ANK3: variants seen among roughly 807,000 people sequenced by gnomAD.
The protein encoded by ANK3 is ankyrin-3.
A neutral mutation model predicts 370.9 loss-of-function variants in ANK3; 57 were observed. That is an observed-to-expected ratio of 0.15 (90% CI 0.12 to 0.19). The LOEUF (loss-of-function observed/expected upper bound fraction) is 0.19. ANK3 is among the 10% of genes least tolerant of loss of function. The probability of loss-of-function intolerance (pLI) is 1.00; values close to 1 mark genes in which losing one functional copy is unlikely to be tolerated. For missense variants in ANK3, 4,439 were observed against 5,302.1 expected, an observed-to-expected ratio of 0.84 and a Z score of 5.06; for synonymous variants, 1,929 against 1,946.3, an observed-to-expected ratio of 0.99 and a Z score of 0.23.
chr10:60,405,394 G>T (rs533820733), intron 2 of ANK3, among the ~76,000 whole-genome samples: 1 of 152,174 alleles, frequency 6.6e-6, no homozygotes, highest in East Asian at 1.9e-4. Context: ...TTTCTCAAAT[G>T]AGTATATACT....
rs148516551 is a variant in ANK3 at position 60,405,944 on chromosome 10, G to A, written c.97-126305C>T. On this transcript the variant is annotated intron_variant, in intron 2 of 43. Transcript: ENST00000373827. ...GAGAAAAAGCAACCAATACTACATG[G>A]TAGACCCTTTTTCAGTTTACATATA... Among the ~76,000 whole-genome samples, 384 of 152,218 alleles carry A rather than the reference G, an allele frequency of 2.5e-3. 1 individual carries two copies. Among genetic ancestry groups the A allele is most frequent in the African/African-American group, 8.6e-3 (357 of 41,534 alleles).
At chr10:60,645,458 C>T (rs2078697735) in intron 1 of ANK3, among the ~76,000 whole-genome samples, 1 of 152,122 alleles carries the variant, frequency 6.6e-6, no homozygotes, top group African/African-American at 2.4e-5. Context: ...GGCGCAGTGG[C>T]TCACACCTGT....
Position 60,063,148 on chromosome 10 carries a change from A to G in ANK3, c.12558T>C (p.Phe4186=). The G allele has an allele frequency of 6.2e-7, 1 of 1,613,492 alleles. No homozygotes were observed. The change falls in exon 40 of 44, where the codon TTT becomes TTC. Residue 4186 remains phenylalanine (F), a synonymous_variant. Coordinates refer to ENST00000280772, the MANE Select transcript of ANK3 (RefSeq NM_020987.5). ...CATGGAAAACATTGTTCTCATCTGC[A>G]AAACTTCTGGTGCCTGAAATATTTC... ...DYGNISGTRS[F]ADENNVFHDP...
chr10:60,270,035 C>G, intron 5 of ANK3, 96 bp downstream of exon 5: 1 of 669,538 alleles, frequency 1.5e-6, no homozygotes, highest in South Asian at 3.4e-5. Context: ...TATAAAACTT[C>G]AATTGAAATA....
chr10:60,685,211 C>T (rs575437319), intron 1 of ANK3: 76 of 352,800 alleles, frequency 2.2e-4, no homozygotes, highest in African/African-American at 1.5e-3. Flanking sequence ...GTTCAATGAT[C>T]AGATGCCTAA....
intron 22 of ANK3, 23 bp from the exon 23 acceptor site, chr10:60,166,676 A>G (rs1239463893): frequency 3.1e-6 from 5 of 1,611,554 alleles, no homozygotes; most frequent in South Asian, 1.1e-5. Flanking sequence ...AGTGAACAAT[A>G]TAAGTGGATG....
Position 60,233,729 on chromosome 10 carries a change from G to T in ANK3, c.897+959C>A, listed in dbSNP as rs551497646. 2.6e-5 allele frequency among the ~76,000 whole-genome samples: 4 copies of T among 152,234 alleles called. No homozygotes were observed. In the East Asian group the frequency reaches 7.7e-4, roughly 29 times the overall value. On this transcript the variant is annotated intron_variant, in intron 8 of 43. Transcript: ENST00000280772. ...TGGGATTATAGTTGTAAGCCAGTGG[G>T]CCCAGCCTTTAAAAATTTTTAATTG... is the stretch of plus-strand genomic sequence containing the variant.
intron 11 of ANK3, among the ~76,000 whole-genome samples, chr10:60,204,206 G>T (rs906880776): frequency 6.6e-6 from 1 of 152,196 alleles, no homozygotes. Flanking sequence ...TTTTGTTATA[G>T]TCTTGGCACC....
At position 60,186,758 on chromosome 10, in the gene ANK3, G is replaced by A. The variant is rs767722242; in HGVS notation, c.2042C>T (p.Ser681Leu). The A allele has an allele frequency of 3.1e-6, 5 of 1,614,102 alleles. No homozygotes were observed. The highest frequency in any genetic ancestry group is 2.2e-5 in the South Asian group (2 of 91,074). The change falls in exon 17 of 44, where the codon TCG becomes TTG. Residue 681 changes from serine (S) to leucine (L), a missense_variant. Physicochemically the swap from Ser to Leu is moderately radical, Grantham distance 145. This residue lies in a region of ANK3 where 192 missense variants were observed against 192.1 expected (regional missense o/e 1.00). Transcript: ENST00000280772. ...ATTCGCATTTCTACCGAGGAGCAGC[G>A]ACACCATGTCCACGTGCCCTTCCTG... ...AAQEGHVDMV[S>L]LLLGRNANVN... is the part of the protein sequence containing the mutation.
intron 1 of ANK3, among the ~76,000 whole-genome samples, chr10:60,629,506 C>T (rs991152149): frequency 3.3e-5 from 5 of 152,026 alleles, no homozygotes; most frequent in African/African-American, 4.8e-5. Flanking sequence ...TACATAATGG[C>T]GGATTGTTGC....
At chr10:60,669,937 C>A (rs1054238914) in intron 1 of ANK3, among the ~76,000 whole-genome samples, 1 of 152,090 alleles carries the variant, frequency 6.6e-6, no homozygotes, top group Admixed American at 6.5e-5. Flanking sequence ...ATCCTCCCAC[C>A]CCAGCCTTTC....
At chr10:60,105,772 A>C in intron 28 of ANK3, 133 bp downstream of exon 28, 1 of 892,894 alleles carries the variant, frequency 1.1e-6, no homozygotes, top group East Asian at 2.8e-5. Context: ...GAAAACAGCA[A>C]CAAAAGCTGA....
intron 2 of ANK3, among the ~76,000 whole-genome samples, chr10:60,443,740 C>A (rs1178387859): frequency 6.6e-6 from 1 of 152,120 alleles, no homozygotes; most frequent in Non-Finnish European, 1.5e-5. Context: ...GGATGTCCTT[C>A]TTGGCTAAAT....
intron 6 of ANK3, among the ~76,000 whole-genome samples, chr10:60,262,701 C>T (rs1396889538): frequency 6.6e-6 from 1 of 152,160 alleles, no homozygotes. Flanking sequence ...GTCATATTGA[C>T]ACCATTCTGA....
intron 23 of ANK3, among the ~76,000 whole-genome samples, chr10:60,156,311 G>A (rs539794547): frequency 6.6e-5 from 10 of 152,350 alleles, no homozygotes; most frequent in African/African-American, 2.2e-4. Flanking sequence ...CTGATTCCAT[G>A]CCTTTGTTTC....
intron 2 of ANK3, among the ~76,000 whole-genome samples, chr10:60,612,736 C>T (rs956358632): frequency 3.3e-5 from 5 of 152,242 alleles, no homozygotes; most frequent in East Asian, 1.9e-4. Flanking sequence ...CGTGATCCAC[C>T]CGCCTTGGCT....
chr10:60,685,719 C>T (rs1391846297), intron 1 of ANK3, among the ~76,000 whole-genome samples: 1 of 152,114 alleles, frequency 6.6e-6, no homozygotes, highest in African/African-American at 2.4e-5. Flanking sequence ...AAGAGCAGGA[C>T]TAGACAAACT....
intron 2 of ANK3, among the ~76,000 whole-genome samples, chr10:60,561,294 C>T (rs2077329035): frequency 6.6e-6 from 1 of 152,124 alleles, no homozygotes; most frequent in Admixed American, 6.5e-5. Context: ...AATTATCATG[C>T]ATAAGCATCA....
intron 4 of ANK3, 62 bp from the exon 5 acceptor site, chr10:60,270,291 G>T: frequency 8.8e-7 from 1 of 1,132,254 alleles, no homozygotes; most frequent in Non-Finnish European, 1.2e-6. Context: ...TTTTTCCATG[G>T]TACTGATGAT....
Sources: allele counts gnomAD v4.1 joint callset (sites outside exome capture counted in the v4.1 genomes callset), GRCh38; gene constraint gnomAD v4.1.1; regional missense constraint gnomAD v4.1.1; transcripts MANE v1.5; gene names NCBI Gene and HGNC (gene_info 2026-07-23, HGNC 2026-07-21).